The following ATP11B variants were observed in gnomAD, a reference collection of about 807,000 sequenced individuals.
ATP11B encodes the protein ATPase phospholipid transporting 11B (putative).
A neutral mutation model predicts 157.8 loss-of-function variants in ATP11B; 81 were observed. The ratio of observed to expected loss-of-function variants is 0.51; its 90% confidence interval spans 0.43 to 0.62. The LOEUF (loss-of-function observed/expected upper bound fraction) is 0.62, where lower values mean the gene tolerates loss of function less well. Ranked by LOEUF, ATP11B falls within the 20% of genes least tolerant of loss-of-function variation. The pLI is 0.00. For missense variants in ATP11B, 1,165 were observed against 1,402.2 expected, an observed-to-expected ratio of 0.83 and a Z score of 2.70; for synonymous variants, 451 against 469.4, an observed-to-expected ratio of 0.96 and a Z score of 0.51.
At chr3:182,795,125 C>G (rs1490480302) in intron 1 of ATP11B, among the ~76,000 whole-genome samples, 1 of 152,054 alleles carries the variant, frequency 6.6e-6, no homozygotes, top group Non-Finnish European at 1.5e-5. Flanking sequence ...ATTCAGATAT[C>G]CCAGATATAT....
Position 182,845,425 on chromosome 3 carries a change from C to G in ATP11B, c.705-33C>G, listed in dbSNP as rs1449479924. 3 of 1,554,130 alleles carry G rather than the reference C, an allele frequency of 1.9e-6. No homozygotes were observed. In the East Asian group the frequency reaches 6.9e-5, roughly 36 times the overall value. On this transcript the variant is annotated intron_variant, in intron 8 of 29. Coordinates refer to ENST00000323116, the MANE Select transcript of ATP11B (RefSeq NM_014616.3). ...AGAATTGAAGAGTTTTTAATATATT[C>G]AGTGCTTTATGGTTATTTTCTTTTT...
intron 4 of ATP11B, among the ~76,000 whole-genome samples, chr3:182,831,428 T>C (rs1718132193): frequency 6.6e-6 from 1 of 152,174 alleles, no homozygotes; most frequent in South Asian, 2.1e-4. Flanking sequence ...GATTGATCTC[T>C]TAAAATCAGA....
chr3:182,807,817 T>A (rs893861877), intron 1 of ATP11B, among the ~76,000 whole-genome samples: 1 of 152,176 alleles, frequency 6.6e-6, no homozygotes, highest in African/African-American at 2.4e-5. Context: ...AGGCTTTTTT[T>A]AAAAATGAAG....
chr3:182,918,245 C>A lies in ATP11B; in HGVS notation c.*141C>A. On this transcript the variant is annotated 3_prime_UTR_variant, in exon 30 of 30. Transcript: ENST00000323116. ...TCATACCCACTCAGAGTTATAATGG[C>A]AAACAAACAGAAAGCATTAGTACAA... 1.6e-6 allele frequency: 2 copies of A among 1,219,088 alleles called. No homozygotes were observed. Among genetic ancestry groups the A allele is most frequent in the Non-Finnish European group, 2.2e-6 (2 of 901,088 alleles). 75.5% of individuals were successfully genotyped at this position (1,219,088 alleles called of 1,614,324 possible). A position where few individuals can be genotyped will look rare whatever the true frequency, so the allele number is the denominator to read the frequency against.
chr3:182,801,659 A>G (rs1157458808), intron 1 of ATP11B, among the ~76,000 whole-genome samples: 1 of 152,178 alleles, frequency 6.6e-6, no homozygotes, highest in East Asian at 1.9e-4. Context: ...CAAATCCCAG[A>G]CATTATATAA....
intron 11 of ATP11B, 130 bp downstream of exon 11, chr3:182,858,158 A>G (rs1720565341): frequency 1.3e-6 from 1 of 765,458 alleles, no homozygotes; most frequent in Non-Finnish European, 2.0e-6. Flanking sequence ...GGTGACAGAA[A>G]TGGCATTGCA....
At chr3:182,834,039 A>G (rs1718356466) in intron 4 of ATP11B, among the ~76,000 whole-genome samples, 2 of 152,352 alleles carry the variant, frequency 1.3e-5, no homozygotes, top group Middle Eastern at 6.8e-3. Flanking sequence ...CTTTGGGAAG[A>G]TTAATCTGGC....
Position 182,819,607 on chromosome 3 carries a change from A to C in ATP11B, c.28-653A>C, listed in dbSNP as rs963826411. Reference sequence around the variant, plus strand: ...AGGCCAGGAATTACAGCATATTCATATCTCTATTTCAGTAAGTCAATTGAT... The same window carrying C: ...AGGCCAGGAATTACAGCATATTCATCTCTCTATTTCAGTAAGTCAATTGAT... On this transcript the variant is annotated intron_variant, in intron 1 of 29. Transcript: ENST00000323116. Among the ~76,000 whole-genome samples the C allele has an allele frequency of 2.6e-5, 4 of 152,178 alleles. No homozygotes were observed. In the East Asian group the frequency reaches 7.7e-4, roughly 29 times the overall value.
In ATP11B at chr3:182,883,942, G is replaced by A. The variant is rs369382460; in HGVS notation, c.2510-811G>A. ...TGCACTCCAGCCTGGGCGACAGAGC[G>A]AGACTCCGTCTCAAAAAAAAAAAAA... On this transcript the variant is annotated intron_variant, in intron 21 of 29. Transcript: ENST00000323116. Among the ~76,000 whole-genome samples, 398 of 121,454 alleles carry A rather than the reference G, an allele frequency of 3.3e-3. 3 individuals are homozygous for A. The highest frequency in any genetic ancestry group is 0.013 in the African/African-American group (382 of 30,198). 79.7% of individuals were successfully genotyped at this position (121,454 alleles called of 152,430 possible).
intron 7 of ATP11B, among the ~76,000 whole-genome samples, chr3:182,837,889 T>C (rs1055303237): frequency 1.3e-5 from 2 of 152,076 alleles, no homozygotes; most frequent in Admixed American, 6.6e-5. Context: ...CTACCAATTA[T>C]ATGTGGGCTG....
chr3:182,861,065 CTTT>C (rs35183352), intron 12 of ATP11B, among the ~76,000 whole-genome samples: 2 of 137,398 alleles, frequency 1.5e-5, no homozygotes, highest in Non-Finnish European at 1.5e-5. Context: ...AACAATAATA[CTTT>C]TTTTTTTTTT....
At chr3:182,860,840 A>G (rs1720775846) in intron 12 of ATP11B, among the ~76,000 whole-genome samples, 1 of 152,114 alleles carries the variant, frequency 6.6e-6, no homozygotes, top group East Asian at 1.9e-4. Context: ...TTTCTTGAAC[A>G]TAATCTATTC....
intron 1 of ATP11B, among the ~76,000 whole-genome samples, chr3:182,801,487 C>T (rs1040815429): frequency 9.2e-5 from 14 of 152,260 alleles, no homozygotes; most frequent in Admixed American, 1.3e-4. Flanking sequence ...CAATCACCTG[C>T]AAAAGTAGAG....
At chr3:182,863,232 A>G (rs886680477) in intron 12 of ATP11B, among the ~76,000 whole-genome samples, 79 of 152,218 alleles carry the variant, frequency 5.2e-4, no homozygotes, top group African/African-American at 1.9e-3. Flanking sequence ...AACATTTAGG[A>G]GGCCTTAATA....
chr3:182,883,606 T>C (rs1474489000), intron 21 of ATP11B, among the ~76,000 whole-genome samples: 5 of 151,960 alleles, frequency 3.3e-5, no homozygotes, highest in Non-Finnish European at 7.4e-5. Flanking sequence ...TGTTTTTGTA[T>C]GTATGAAATA....
intron 28 of ATP11B, among the ~76,000 whole-genome samples, chr3:182,901,110 T>C (rs917415401): frequency 7.3e-5 from 11 of 151,468 alleles, no homozygotes; most frequent in African/African-American, 2.7e-4. Flanking sequence ...GAGGTGGAGG[T>C]TGCAGTGAGC....
chr3:182,861,662 A>G (rs2108536821), intron 12 of ATP11B, among the ~76,000 whole-genome samples: 1 of 152,212 alleles, frequency 6.6e-6, no homozygotes, highest in East Asian at 1.9e-4. Flanking sequence ...AGTTTTGATT[A>G]TGCTCAAATT....
chr3:182,915,548 A>G (rs993784449), intron 29 of ATP11B: 1 of 982,826 alleles, frequency 1.0e-6, no homozygotes, highest in Non-Finnish European at 1.2e-6. Context: ...TAGAACCTCT[A>G]CAGAATTTTT....
Position 182,859,200 on chromosome 3 carries a change from T to A in ATP11B, c.1041T>A (p.Val347=). The A allele has an allele frequency of 6.2e-7, 1 of 1,611,760 alleles. No homozygotes were observed. The highest frequency in any genetic ancestry group is 1.1e-5 in the South Asian group (1 of 90,328). The change falls in exon 12 of 30, where the codon GTT becomes GTA. Residue 347 remains valine (V), a synonymous_variant. Transcript: ENST00000323116. ...RFISDFLAFL[V]LYNFIIPISL... Reference sequence around the variant, plus strand: ...TTTCAGACTTCCTTGCTTTTTTGGTTCTCTACAATTTCATCATTCCAATTT... The same window carrying A: ...TTTCAGACTTCCTTGCTTTTTTGGTACTCTACAATTTCATCATTCCAATTT...
Sources: gnomAD v4.1 joint callset for allele counts (sites outside exome capture counted in the v4.1 genomes callset) on GRCh38, gnomAD v4.1.1 for gene constraint, MANE v1.5 for transcripts, NCBI Gene and HGNC (gene_info 2026-07-23, HGNC 2026-07-21) for gene names.